GNB4: variants seen among roughly 807,000 people sequenced by gnomAD.
The protein encoded by GNB4 is guanine nucleotide-binding protein subunit beta-4.
GNB4 carries 28 observed loss-of-function variants against 45.2 expected under a neutral mutation model. The ratio of observed to expected loss-of-function variants is 0.62; its 90% CI spans 0.46 to 0.85. The LOEUF (loss-of-function observed/expected upper bound fraction) is 0.85. Ranked by LOEUF, GNB4 falls within the 40% of genes least tolerant of loss-of-function variation. The probability of loss-of-function intolerance (pLI) is 0.00; values close to 1 mark genes in which losing one functional copy is unlikely to be tolerated. For missense variants in GNB4, 321 were observed against 425.4 expected, an observed-to-expected ratio of 0.75 and a Z score of 2.16; for synonymous variants, 132 against 143.7, an observed-to-expected ratio of 0.92 and a Z score of 0.58.
the GNB4 span, chr3:179,464,353 C>T: frequency 8.1e-5 from 64 of 788,414 alleles, 1 homozygote; most frequent in East Asian, 2.3e-4. Flanking sequence ...GCTATGGCTG[C>T]GACTTCCCTC....
chr3:179,466,920 C>T, the GNB4 span, among the ~76,000 whole-genome samples: 457 of 152,276 alleles, frequency 3.0e-3, 1 homozygote, highest in Admixed American at 4.4e-3. Flanking sequence ...AAGTTCTATC[C>T]CTAATCAGCC....
intron 1 of GNB4, among the ~76,000 whole-genome samples, chr3:179,448,671 C>G (rs753817453): frequency 2.0e-5 from 3 of 152,126 alleles, no homozygotes; most frequent in Non-Finnish European, 4.4e-5. Flanking sequence ...TCTGTTGTTC[C>G]CATTTACTCA....
the GNB4 span, chr3:179,464,528 G>A: frequency 6.2e-7 from 1 of 1,609,840 alleles, no homozygotes. Context: ...AAGAGTGGGT[G>A]GCCTCAGGCG....
the GNB4 span, among the ~76,000 whole-genome samples, chr3:179,480,957 T>A: frequency 1.3e-5 from 2 of 151,558 alleles, no homozygotes; most frequent in Non-Finnish European, 2.9e-5. Context: ...GTTCACCCAT[T>A]CTGCTGCCTC....
chr3:179,489,046 A>ATATATATATATT, the GNB4 span, among the ~76,000 whole-genome samples: 333 of 38,682 alleles, frequency 8.6e-3, 27 homozygotes, highest in South Asian at 0.021. Flanking sequence ...ATATATATAT[A>ATATATATATATT]ATATATATGT....
In GNB4 at chr3:179,398,522, TTAAA is replaced by T. The variant is rs1201191900; in HGVS notation, c.*2687_*2690del. 1 of 140,156 alleles carries T rather than the reference TTAAA, an allele frequency of 7.1e-6. No individual in the cohort carries two copies. Among genetic ancestry groups the T allele is most frequent in the East Asian group, 1.9e-4 (1 of 5,162 alleles). The allele number at this position is 140,156 out of a possible 1,614,324, so 8.7% of individuals were successfully genotyped here. A position where few individuals can be genotyped will look rare whatever the true frequency, so the allele number is the denominator to read the frequency against. The stretch of plus-strand genomic sequence containing the variant: ...TGGGTGACAGAGTGAGACTCTGTCT[TTAAA>T]AAAAAAAAAAAAGGAACATTAACTG... On this transcript the variant is annotated 3_prime_UTR_variant, in exon 10 of 10. Coordinates refer to ENST00000232564, the MANE Select transcript of GNB4 (RefSeq NM_021629.4).
At chr3:179,443,599 C>G (rs1715648081) in intron 1 of GNB4, among the ~76,000 whole-genome samples, 1 of 152,144 alleles carries the variant, frequency 6.6e-6, no homozygotes. Context: ...CATCCAGTGT[C>G]TTTCACTGTA....
the GNB4 span, among the ~76,000 whole-genome samples, chr3:179,500,217 T>A: frequency 6.6e-6 from 1 of 152,230 alleles, no homozygotes; most frequent in Non-Finnish European, 1.5e-5. Context: ...TGTTTTTAGG[T>A]CTTACATTTA....
the GNB4 span, among the ~76,000 whole-genome samples, chr3:179,461,553 G>A: frequency 5.3e-5 from 8 of 152,226 alleles, no homozygotes; most frequent in Admixed American, 5.2e-4. Flanking sequence ...TTCCTAGGTT[G>A]GAGAGATGGT....
the GNB4 span, among the ~76,000 whole-genome samples, chr3:179,481,339 G>A: frequency 3.3e-5 from 5 of 150,700 alleles, no homozygotes; most frequent in African/African-American, 1.2e-4. Flanking sequence ...TTTGAGACAG[G>A]GTCACTGTCA....
the GNB4 span, among the ~76,000 whole-genome samples, chr3:179,514,860 T>C: frequency 6.6e-6 from 1 of 152,240 alleles, no homozygotes; most frequent in Non-Finnish European, 1.5e-5. Context: ...ATGGCAGCCC[T>C]GGAAGACTAA....
chr3:179,467,259 C>G, the GNB4 span, among the ~76,000 whole-genome samples: 1 of 152,270 alleles, frequency 6.6e-6, no homozygotes, highest in East Asian at 1.9e-4. Context: ...TAATTCCCCC[C>G]ACTTCAGCCT....
chr3:179,424,679 A>T (rs1202780330), intron 2 of GNB4, among the ~76,000 whole-genome samples: 2 of 152,172 alleles, frequency 1.3e-5, no homozygotes, highest in Non-Finnish European at 2.9e-5. Flanking sequence ...ATCATGGTTC[A>T]CTGCAGCCTC....
the GNB4 span, among the ~76,000 whole-genome samples, chr3:179,509,406 G>A: frequency 5.3e-5 from 8 of 152,276 alleles, no homozygotes; most frequent in African/African-American, 1.9e-4. Flanking sequence ...GGCATTCTCT[G>A]TCTGTGGGCA....
At chr3:179,454,559 A>C (rs532265503), upstream of GNB4, among the ~76,000 whole-genome samples, 1 of 152,310 alleles carries the variant, frequency 6.6e-6, no homozygotes, top group South Asian at 2.1e-4. Context: ...ATGAATCTGA[A>C]TGCTGTACTC....
Position 179,431,012 on chromosome 3 carries a change from T to G in GNB4, c.-42-4770A>C, listed in dbSNP as rs7625978. 6.5e-3 allele frequency among the ~76,000 whole-genome samples: 992 copies of G among 152,278 alleles called. 13 individuals are homozygous for G. The highest frequency in any genetic ancestry group is 0.023 in the African/African-American group (944 of 41,552). On this transcript the variant is annotated intron_variant, in intron 1 of 9. Transcript: ENST00000232564. ...TCAAGACATTTCAGCCCTAAATACT[T>G]CAATATCTACCAAACCACAATACTA... is the stretch of plus-strand genomic sequence containing the variant.
rs946883248 is a variant in GNB4, at chr3:179,396,734, A to T, written c.*4479T>A. 11 of 80,916 alleles carry T rather than the reference A, an allele frequency of 1.4e-4. No homozygotes were observed. The highest frequency in any genetic ancestry group is 4.6e-4 in the African/African-American group (8 of 17,324). 5.0% of individuals were successfully genotyped at this position (80,916 alleles called of 1,614,324 possible). On this transcript the variant is annotated 3_prime_UTR_variant, in exon 10 of 10. Transcript: ENST00000232564. ...TTTGCTAAATACAAGGTGTACCATC[A>T]ATGTGTGATTAATTAATAAGTTACT... is the stretch of plus-strand genomic sequence containing the variant.
At chr3:179,425,622 C>T (rs1256183314) in intron 2 of GNB4, among the ~76,000 whole-genome samples, 1 of 151,992 alleles carries the variant, frequency 6.6e-6, no homozygotes, top group African/African-American at 2.4e-5. Flanking sequence ...AGGTGTGCAC[C>T]ACCACGCCTG....
the GNB4 span, among the ~76,000 whole-genome samples, chr3:179,523,195 C>T: frequency 7.9e-5 from 12 of 151,928 alleles, no homozygotes; most frequent in South Asian, 2.3e-3. Flanking sequence ...AGGGAGAGCA[C>T]GTGTGTTTTC....
Sources: gnomAD v4.1 joint callset for allele counts (sites outside exome capture counted in the v4.1 genomes callset) on GRCh38, gnomAD v4.1.1 for gene constraint, MANE v1.5 for transcripts, NCBI Gene and HGNC (gene_info 2026-07-23, HGNC 2026-07-21) for gene names.